NEDD4L: variants seen among roughly 807,000 people sequenced by gnomAD.
The protein encoded by NEDD4L is E3 ubiquitin-protein ligase NEDD4-like.
Under a neutral mutation model 148.9 loss-of-function variants are expected in NEDD4L, and 54 were observed. The observed-to-expected ratio is 0.36, with a 90% confidence interval of 0.29 to 0.45. The LOEUF (loss-of-function observed/expected upper bound fraction) is 0.45. NEDD4L is among the 20% of genes least tolerant of loss of function. The pLI is 1.00. For missense variants in NEDD4L, 856 were observed against 1,233.8 expected (o/e 0.69, Z 4.59); for synonymous variants, 433 against 440.7 (o/e 0.98, Z 0.22).
intron 13 of NEDD4L, among the ~76,000 whole-genome samples, chr18:58,337,869 G>C (rs530605592): frequency 5.9e-5 from 9 of 152,250 alleles, no homozygotes; most frequent in Non-Finnish European, 1.2e-4. Context: ...ACAGCCCTTT[G>C]ATTTATGGCA....
intron 5 of NEDD4L, among the ~76,000 whole-genome samples, chr18:58,279,785 G>A (rs893919505): frequency 1.3e-5 from 2 of 152,220 alleles, no homozygotes; most frequent in Non-Finnish European, 2.9e-5. Flanking sequence ...TTCTGTAAAA[G>A]GCCAGATAGT....
At chr18:58,357,304 T>A in intron 19 of NEDD4L, 52 bp downstream of exon 19, 2 of 1,465,430 alleles carry the variant, frequency 1.4e-6, no homozygotes, top group Non-Finnish European at 1.9e-6. Flanking sequence ...GTTACGTGTT[T>A]ACGTGTTTCT....
chr18:58,316,408 G>C (rs1281303113), intron 6 of NEDD4L, among the ~76,000 whole-genome samples: 1 of 152,160 alleles, frequency 6.6e-6, no homozygotes, highest in South Asian at 2.1e-4. Flanking sequence ...CCCATCAGAT[G>C]TTTGCACTCT....
At chr18:58,120,572 G>A (rs1230078904) in intron 1 of NEDD4L, among the ~76,000 whole-genome samples, 1 of 152,172 alleles carries the variant, frequency 6.6e-6, no homozygotes, top group Non-Finnish European at 1.5e-5. Flanking sequence ...GAGGTCAGGA[G>A]ATCGAGACCA....
chr18:58,351,883 C>T (rs1269977419), intron 18 of NEDD4L, among the ~76,000 whole-genome samples: 5 of 152,180 alleles, frequency 3.3e-5, no homozygotes, highest in African/African-American at 4.8e-5. Context: ...AACAAAAGCA[C>T]GTTGATGAGC....
At chr18:58,136,789 T>C (rs2032898813) in intron 1 of NEDD4L, among the ~76,000 whole-genome samples, 1 of 152,176 alleles carries the variant, frequency 6.6e-6, no homozygotes, top group Non-Finnish European at 1.5e-5. Context: ...TCTTTTTTTG[T>C]TTCATCGATT....
At chr18:58,112,812 T>C (rs1241894071) in intron 1 of NEDD4L, among the ~76,000 whole-genome samples, 2 of 152,154 alleles carry the variant, frequency 1.3e-5, no homozygotes, top group Non-Finnish European at 2.9e-5. Flanking sequence ...ATTTTTAATA[T>C]AATGTGAAAT....
intron 16 of NEDD4L, among the ~76,000 whole-genome samples, chr18:58,347,903 C>G (rs1236221092): frequency 6.6e-6 from 1 of 151,954 alleles, no homozygotes; most frequent in Non-Finnish European, 1.5e-5. Flanking sequence ...TTGAATGAAG[C>G]TGATATCAAA....
chr18:58,219,233 T>C (rs546256786), intron 2 of NEDD4L, among the ~76,000 whole-genome samples: 7 of 152,286 alleles, frequency 4.6e-5, no homozygotes, highest in South Asian at 4.2e-4. Context: ...GGTGGCAGAA[T>C]TGGAGTTGGA....
At chr18:58,224,795 CTG>C (rs2044172620) in intron 2 of NEDD4L, among the ~76,000 whole-genome samples, 1 of 152,174 alleles carries the variant, frequency 6.6e-6, no homozygotes, top group Non-Finnish European at 1.5e-5. Context: ...TTTCACTTGT[CTG>C]TTTTTGTTGA....
chr18:58,185,453 T>TTA lies in NEDD4L; in HGVS notation c.122+19597_122+19598dup, dbSNP rs2039359263. On this transcript the variant is annotated intron_variant, in intron 2 of 30. Coordinates refer to ENST00000400345, the MANE Select transcript of NEDD4L (RefSeq NM_001144967.3). ...GAATATGTCCTAAAATATATGTATA[T>TTA]TATATAAAGTGTAAAAACAGACAAG... is the stretch of plus-strand genomic sequence containing the variant. Among the ~76,000 whole-genome samples the TTA allele has an allele frequency of 7.9e-5, 12 of 152,166 alleles. No homozygotes were observed. The South Asian group carries it at 2.5e-3, about 31-fold the overall frequency.
chr18:58,216,952 G>A (rs573142713), intron 2 of NEDD4L, among the ~76,000 whole-genome samples: 1 of 152,344 alleles, frequency 6.6e-6, no homozygotes, highest in Admixed American at 6.5e-5. Flanking sequence ...ACTGTCTGTA[G>A]CTGCCAGATT....
At chr18:58,121,614 G>A (rs1208912985) in intron 1 of NEDD4L, among the ~76,000 whole-genome samples, 1 of 152,104 alleles carries the variant, frequency 6.6e-6, no homozygotes, top group Non-Finnish European at 1.5e-5. Flanking sequence ...TCACTGTGTT[G>A]CCCAGGCTGG....
intron 5 of NEDD4L, among the ~76,000 whole-genome samples, chr18:58,272,617 G>T (rs2051213993): frequency 6.7e-6 from 1 of 150,282 alleles, no homozygotes; most frequent in African/African-American, 2.5e-5. Context: ...GTGACAGAGC[G>T]AGACCCTGTC....
intron 2 of NEDD4L, among the ~76,000 whole-genome samples, chr18:58,212,280 C>A (rs1008976308): frequency 1.3e-5 from 2 of 151,852 alleles, no homozygotes; most frequent in Non-Finnish European, 2.9e-5. Flanking sequence ...GCAAGACTCA[C>A]TGTATTAGTT....
At chr18:58,257,199 G>A (rs530509435) in intron 5 of NEDD4L, among the ~76,000 whole-genome samples, 48 of 152,102 alleles carry the variant, frequency 3.2e-4, no homozygotes, top group Non-Finnish European at 5.0e-4. Context: ...TCAGTTCTCG[G>A]AAAGGGGAGG....
At chr18:58,185,756 C>A (rs1452427171) in intron 2 of NEDD4L, among the ~76,000 whole-genome samples, 3 of 151,950 alleles carry the variant, frequency 2.0e-5, no homozygotes, top group Non-Finnish European at 4.4e-5. Flanking sequence ...GCCTGTAATC[C>A]CAGCTACTCG....
At chr18:58,195,938 A>G (rs545071239) in intron 2 of NEDD4L, among the ~76,000 whole-genome samples, 4 of 152,312 alleles carry the variant, frequency 2.6e-5, no homozygotes, top group African/African-American at 9.6e-5. Context: ...CAGTGAAAAC[A>G]TTTTAATTAT....
At chr18:58,229,248 A>G (rs2044761985) in intron 2 of NEDD4L, among the ~76,000 whole-genome samples, 1 of 152,242 alleles carries the variant, frequency 6.6e-6, no homozygotes, top group Admixed American at 6.5e-5. Context: ...GTTTCCACAC[A>G]AATGCCATTT....
Sources: allele counts gnomAD v4.1 joint callset (sites outside exome capture counted in the v4.1 genomes callset), GRCh38; gene constraint gnomAD v4.1.1; transcripts MANE v1.5; gene names NCBI Gene and HGNC (gene_info 2026-07-23, HGNC 2026-07-21).